Variants in SMC3 observed in about 807,000 individuals in gnomAD.
SMC3 encodes structural maintenance of chromosomes 3, also known as structural maintenance of chromosomes protein 3.
Under a neutral mutation model 171.8 loss-of-function variants are expected in SMC3, and 20 were observed. The ratio of observed to expected loss-of-function variants is 0.12; its 90% confidence interval spans 0.08 to 0.17. The LOEUF (loss-of-function observed/expected upper bound fraction) is 0.17, where lower values mean the gene tolerates loss of function less well. SMC3 is among the 10% of genes least tolerant of loss of function. The pLI is 1.00. For missense variants in SMC3, 543 were observed against 1,420.4 expected (o/e 0.38, Z 9.93); for synonymous variants, 464 against 451.1 (o/e 1.03, Z -0.36).
At chr10:110,581,219 T>C (rs1243797157) in intron 8 of SMC3, among the ~76,000 whole-genome samples, 198 bp downstream of exon 8, 1 of 144,872 alleles carries the variant, frequency 6.9e-6, no homozygotes, top group Non-Finnish European at 1.5e-5. Context: ...ACACTGACTT[T>C]TTTTTTTTTT....
intron 19 of SMC3, among the ~76,000 whole-genome samples, chr10:110,596,754 A>C (rs1478462627): frequency 1.3e-5 from 2 of 152,196 alleles, no homozygotes; most frequent in African/African-American, 4.8e-5. Flanking sequence ...CCATGAAGTC[A>C]CTTGGAAGAA....
chr10:110,577,568 T>C (rs894263556), intron 5 of SMC3, 76 bp downstream of exon 5: 2 of 1,033,876 alleles, frequency 1.9e-6, no homozygotes, highest in East Asian at 2.4e-5. Context: ...TTGAAACTTT[T>C]TAAGCTTTTA....
Position 110,593,120 on chromosome 10 carries a change from C to T in SMC3, c.1860C>T (p.Asp620=), listed in dbSNP as rs750155650. The T allele has an allele frequency of 1.2e-6, 2 of 1,613,952 alleles. No homozygotes were observed. The highest frequency in any genetic ancestry group is 2.7e-5 in the African/African-American group (2 of 75,040). The change falls in exon 18 of 29, where the codon GAC becomes GAT. Residue 620 remains aspartate (D), a synonymous_variant. Transcript: ENST00000361804. ...ISKLRYNPRF[D]KAFKHVFGKT... is the part of the protein sequence containing the mutation. ...AACTGAGGTACAATCCCAGATTTGACAAAGCTTTCAAACATGTGTTTGGAA... is the reference window on the plus strand; with the variant it reads ...AACTGAGGTACAATCCCAGATTTGATAAAGCTTTCAAACATGTGTTTGGAA...
At chr10:110,595,917 C>CTTT (rs10639343) in intron 18 of SMC3, among the ~76,000 whole-genome samples, 59,796 of 100,376 alleles carry the variant, frequency 0.6, 19,594 homozygotes, top group Non-Finnish European at 0.69. Flanking sequence ...ACTGGAGGTT[C>CTTT]TTTTTTTTTT....
intron 18 of SMC3, among the ~76,000 whole-genome samples, chr10:110,594,362 ATAG>A (rs1245633901): frequency 9.2e-5 from 14 of 152,034 alleles, no homozygotes; most frequent in African/African-American, 2.2e-4. Context: ...AAAAAACAAG[ATAG>A]TAGTGGGTCT....
chr10:110,594,856 A>G (rs1176479275), intron 18 of SMC3, among the ~76,000 whole-genome samples: 2 of 152,224 alleles, frequency 1.3e-5, no homozygotes, highest in South Asian at 2.1e-4. Flanking sequence ...GTATAGCCAC[A>G]GTATCATTGT....
intron 7 of SMC3, among the ~76,000 whole-genome samples, chr10:110,580,121 GTAT>G (rs1436655966): frequency 4.6e-5 from 7 of 152,102 alleles, no homozygotes; most frequent in Admixed American, 6.5e-5. Flanking sequence ...CATTTACATT[GTAT>G]TATTATAATT....
chr10:110,585,484 T>C (rs1861097824), intron 13 of SMC3, among the ~76,000 whole-genome samples: 1 of 151,008 alleles, frequency 6.6e-6, no homozygotes, highest in Admixed American at 6.6e-5. Context: ...AGAGGTGGGG[T>C]TTCACCATCT....
chr10:110,582,837 T>G (rs1401921187), intron 10 of SMC3, among the ~76,000 whole-genome samples, 195 bp downstream of exon 10: 2 of 151,936 alleles, frequency 1.3e-5, no homozygotes, highest in African/African-American at 4.8e-5. Flanking sequence ...CTGTCTAGTT[T>G]TTAAATATAT....
intron 28 of SMC3, among the ~76,000 whole-genome samples, chr10:110,603,719 T>A (rs913940964): frequency 1.3e-5 from 2 of 152,212 alleles, no homozygotes; most frequent in African/African-American, 2.4e-5. Flanking sequence ...ACATATTTTT[T>A]AAATCTATGC....
intron 2 of SMC3, among the ~76,000 whole-genome samples, chr10:110,572,472 T>C (rs1408116700): frequency 1.3e-5 from 2 of 152,218 alleles, no homozygotes; most frequent in Non-Finnish European, 2.9e-5. Context: ...CCTTTGTCTT[T>C]TATAACATTG....
intron 4 of SMC3, among the ~76,000 whole-genome samples, chr10:110,575,809 A>C (rs1860938252): frequency 6.6e-6 from 1 of 152,208 alleles, no homozygotes; most frequent in Admixed American, 6.5e-5. Context: ...CTCCATGTAC[A>C]TTTCTTTAAG....
At chr10:110,597,693 A>T (rs1861321828) in intron 19 of SMC3, among the ~76,000 whole-genome samples, 1 of 152,242 alleles carries the variant, frequency 6.6e-6, no homozygotes, top group African/African-American at 2.4e-5. Context: ...AGTGTATACC[A>T]GCTGTCTTCC....
At chr10:110,572,484 T>G (rs910751583) in intron 2 of SMC3, among the ~76,000 whole-genome samples, 2 of 152,206 alleles carry the variant, frequency 1.3e-5, no homozygotes, top group African/African-American at 4.8e-5. Flanking sequence ...ATAACATTGT[T>G]ATTTTTGAGA....
chr10:110,570,832 A>G (rs1364732590), intron 2 of SMC3, among the ~76,000 whole-genome samples: 1 of 152,194 alleles, frequency 6.6e-6, no homozygotes, highest in Non-Finnish European at 1.5e-5. Flanking sequence ...AAACAAATGA[A>G]CCCAAGATAA....
chr10:110,588,339 A>G (rs1288550674), intron 13 of SMC3, among the ~76,000 whole-genome samples: 2 of 152,340 alleles, frequency 1.3e-5, no homozygotes, highest in East Asian at 3.9e-4. Flanking sequence ...TGTCAGTGGA[A>G]TTAGTAGTAA....
chr10:110,592,480 A>G (rs982577416), intron 17 of SMC3, among the ~76,000 whole-genome samples: 1 of 152,158 alleles, frequency 6.6e-6, no homozygotes, highest in East Asian at 1.9e-4. Flanking sequence ...ACATTTTTCT[A>G]TATATGGGAT....
Position 110,577,854 on chromosome 10 carries a change from C to T in SMC3, c.290C>T (p.Ser97Leu), listed in dbSNP as rs1860976121. 1.9e-6 allele frequency: 3 copies of T among 1,611,008 alleles called. No individual in the cohort carries two copies. The highest frequency in any genetic ancestry group is 2.5e-6 in the Non-Finnish European group (3 of 1,177,490). ...NRLPIDKEEV[S>L]LRRVIGAKKD... The stretch of plus-strand genomic sequence containing the variant: ...TCTTAGATCGATAAAGAGGAAGTTT[C>T]ACTTCGAAGAGTTATTGGTGCCAAA... The change falls in exon 6 of 29, where the codon TCA becomes TTA. Residue 97 changes from serine (S) to leucine (L), a missense_variant. By Grantham distance (145) the Ser-to-Leu change is moderately radical (BLOSUM62 -2). This residue lies in a region of SMC3 where 146 missense variants were observed against 437.9 expected (regional missense o/e 0.33). Transcript: ENST00000361804.
intron 2 of SMC3, among the ~76,000 whole-genome samples, chr10:110,573,475 A>G (rs1400885276): frequency 6.6e-6 from 1 of 152,168 alleles, no homozygotes; most frequent in Non-Finnish European, 1.5e-5. Context: ...GAGCAAACGG[A>G]TCAACTGTGA....
Sources: allele counts gnomAD v4.1 joint callset (sites outside exome capture counted in the v4.1 genomes callset), GRCh38; gene constraint gnomAD v4.1.1; regional missense constraint gnomAD v4.1.1; transcripts MANE v1.5; gene names NCBI Gene and HGNC (gene_info 2026-07-23, HGNC 2026-07-21).